Variants in COL4A5 observed in about 807,000 individuals in gnomAD.
The protein encoded by COL4A5 is collagen alpha-5(IV) chain.
Under a neutral mutation model 130.2 loss-of-function variants are expected in COL4A5, and 26 were observed. The observed-to-expected ratio is 0.20, with a 90% CI of 0.15 to 0.28. The LOEUF (loss-of-function observed/expected upper bound fraction) is 0.28, where lower values mean the gene tolerates loss of function less well. COL4A5 is among the 10% of genes least tolerant of loss of function. COL4A5 has a pLI of 1.00. For missense variants in COL4A5, 1,131 were observed against 1,344.3 expected (o/e 0.84, Z 2.48); for synonymous variants, 496 against 439.6 (o/e 1.13, Z -1.60).
chrX:108,626,018 A>G (rs2067147084), intron 35 of COL4A5, among the ~76,000 whole-genome samples, 192 bp from the exon 36 acceptor site: 1 of 111,876 alleles, frequency 8.9e-6, no homozygotes, highest in Non-Finnish European at 1.9e-5. Context: ...TCTTTTCTCC[A>G]GCTATACCCC....
intron 1 of COL4A5, among the ~76,000 whole-genome samples, chrX:108,532,446 T>C (rs2065397337): frequency 9.0e-6 from 1 of 111,665 alleles, no homozygotes. Context: ...ATAAAGGCCA[T>C]ATACTTCAAA....
chrX:108,694,997 A>T (rs1277136900), intron 51 of COL4A5, 76 bp downstream of exon 51: 4 of 812,486 alleles, frequency 4.9e-6, no homozygotes, highest in Non-Finnish European at 7.5e-6. Flanking sequence ...CAATATGAGG[A>T]ATCCCTGTCA....
intron 37 of COL4A5, among the ~76,000 whole-genome samples, chrX:108,656,475 A>G (rs1042745877): frequency 1.8e-5 from 2 of 112,160 alleles, no homozygotes; most frequent in East Asian, 2.8e-4. Flanking sequence ...ATTCTTTTAC[A>G]TATCTTTTGA....
At chrX:108,540,010 A>G (rs1021219935) in intron 2 of COL4A5, among the ~76,000 whole-genome samples, 5 of 112,015 alleles carry the variant, frequency 4.5e-5, no homozygotes, top group African/African-American at 1.3e-4. Context: ...CATATAGCAA[A>G]CATTTTAGGA....
At chrX:108,625,850 A>G (rs2067143737) in intron 35 of COL4A5, 56 bp downstream of exon 35, 2 of 909,345 alleles carry the variant, frequency 2.2e-6, no homozygotes, top group Admixed American at 2.3e-5. Context: ...GTGGTTCAAT[A>G]TCTCTTTTTT....
At chrX:108,694,705 ATTAATCGGCT>A (rs1259117711) in intron 50 of COL4A5, 92 bp from the exon 51 acceptor site, 43 of 617,576 alleles carry the variant, frequency 7.0e-5, no homozygotes, top group Non-Finnish European at 1.1e-4. Context: ...TGAAAGAGAC[ATTAATCGGCT>A]TCCATACTAA....
intron 1 of COL4A5, among the ~76,000 whole-genome samples, chrX:108,501,002 G>A (rs986247344): frequency 9.0e-6 from 1 of 110,853 alleles, no homozygotes; most frequent in East Asian, 2.8e-4. Context: ...TATTTATTAG[G>A]TATAGGGTGA....
At chrX:108,520,700 A>T (rs920531795) in intron 1 of COL4A5, among the ~76,000 whole-genome samples, 1 of 111,575 alleles carries the variant, frequency 9.0e-6, no homozygotes, top group African/African-American at 3.2e-5. Flanking sequence ...GACTTTTAAA[A>T]TTTTTAATTC....
chrX:108,644,092 T>C, intron 36 of COL4A5, among the ~76,000 whole-genome samples: 1 of 112,274 alleles, frequency 8.9e-6, no homozygotes, highest in Middle Eastern at 4.6e-3. Flanking sequence ...GCTATTGTTC[T>C]ATCAGACAAA....
intron 36 of COL4A5, among the ~76,000 whole-genome samples, chrX:108,646,630 G>A (rs1347362706): frequency 1.8e-5 from 2 of 111,812 alleles, no homozygotes; most frequent in Non-Finnish European, 3.8e-5. Flanking sequence ...ATTGCTTTTG[G>A]TGTTTTAGAC....
At position 108,531,060 on chromosome X, in the gene COL4A5, G is replaced by A. The variant is rs1358915790; in HGVS notation, c.82-8686G>A. On this transcript the variant is annotated intron_variant, in intron 1 of 52. Coordinates refer to ENST00000328300, the MANE Select transcript of COL4A5 (RefSeq NM_033380.3). ...AATGATGAGCTCATGTCCTTTGTGG[G>A]GACATGGATGAAATTGGAAATCATC... Among the ~76,000 whole-genome samples the A allele has an allele frequency of 9.4e-5, 10 of 106,072 alleles. No individual in the cohort carries two copies. In the Admixed American group the frequency reaches 1.0e-3, roughly 11 times the overall value. 92.1% of individuals were successfully genotyped at this position (106,072 alleles called of 115,157 possible).
chrX:108,584,449 A>G, intron 17 of COL4A5, 35 bp from the exon 18 acceptor site: 1 of 1,173,321 alleles, frequency 8.5e-7, no homozygotes, highest in East Asian at 3.0e-5. Flanking sequence ...TTTCATGTGA[A>G]TTTTACTAAC....
intron 1 of COL4A5, among the ~76,000 whole-genome samples, chrX:108,508,182 T>C (rs1357153993): frequency 9.0e-6 from 1 of 110,883 alleles, no homozygotes; most frequent in Non-Finnish European, 1.9e-5. Flanking sequence ...TAAACAACTT[T>C]GGCAAAGTTT....
intron 36 of COL4A5, among the ~76,000 whole-genome samples, chrX:108,654,515 G>A (rs73530116): frequency 0.096 from 10,829 of 112,353 alleles, 1,163 homozygotes; most frequent in African/African-American, 0.32. Context: ...GCATGATCAC[G>A]GCTCAATATA....
At chrX:108,586,883 C>A in intron 19 of COL4A5, 136 bp downstream of exon 19, 1 of 652,166 alleles carries the variant, frequency 1.5e-6, no homozygotes, top group Non-Finnish European at 2.4e-6. Flanking sequence ...TACTTCCCAA[C>A]TCTTACTATA....
intron 1 of COL4A5, among the ~76,000 whole-genome samples, chrX:108,494,111 A>AT (rs1287867534): frequency 9.0e-6 from 1 of 111,582 alleles, no homozygotes; most frequent in African/African-American, 3.2e-5. Flanking sequence ...TTTTAAGTCT[A>AT]TTTTTTGACC....
chrX:108,597,909 G>A (rs767082896), intron 24 of COL4A5, among the ~76,000 whole-genome samples: 2 of 111,397 alleles, frequency 1.8e-5, no homozygotes, highest in South Asian at 7.7e-4. Flanking sequence ...TAAACCTCAT[G>A]ACTGGGCATG....
At chrX:108,657,216 A>G (rs2067860269) in intron 37 of COL4A5, among the ~76,000 whole-genome samples, 1 of 110,628 alleles carries the variant, frequency 9.0e-6, no homozygotes, top group Non-Finnish European at 1.9e-5. Flanking sequence ...TTTCCAGCAC[A>G]GTTATCCAAT....
chrX:108,493,756 G>C (rs1435185908), intron 1 of COL4A5, among the ~76,000 whole-genome samples: 1 of 108,362 alleles, frequency 9.2e-6, no homozygotes, highest in African/African-American at 3.4e-5. Context: ...CAAATGAATG[G>C]GAGAGTTAAC....
Sources: gnomAD v4.1 joint callset for allele counts (sites outside exome capture counted in the v4.1 genomes callset) on GRCh38, gnomAD v4.1.1 for gene constraint, MANE v1.5 for transcripts, NCBI Gene and HGNC (gene_info 2026-07-23, HGNC 2026-07-21) for gene names.